The following PXDC1 variants were observed in gnomAD, a reference collection of about 807,000 sequenced individuals.
PXDC1 encodes the protein PX domain-containing protein 1.
In PXDC1, 13 loss-of-function variants were observed where a neutral mutation model predicts 24.4. The ratio of observed to expected loss-of-function variants is 0.53; its 90% CI spans 0.35 to 0.85. PXDC1 has a LOEUF of 0.85. Ranked by LOEUF, PXDC1 falls within the 40% of genes least tolerant of loss-of-function variation. The pLI is 0.01. For missense variants in PXDC1, 344 were observed against 309.3 expected (o/e 1.11, Z -0.84); for synonymous variants, 162 against 124.9 (o/e 1.30, Z -1.98).
intron 3 of PXDC1, among the ~76,000 whole-genome samples, 179 bp downstream of exon 3, chr6:3,736,900 G>A (rs1760331651): frequency 6.6e-6 from 1 of 152,192 alleles, no homozygotes; most frequent in Non-Finnish European, 1.5e-5. Context: ...GAAAACCACA[G>A]GAGGAAACAC....
chr6:3,729,685 T>A (rs569144336), intron 3 of PXDC1, among the ~76,000 whole-genome samples: 1 of 152,186 alleles, frequency 6.6e-6, no homozygotes, highest in Non-Finnish European at 1.5e-5. Context: ...CTATCTAAAA[T>A]GGGTGGCAGC....
intron 1 of PXDC1, among the ~76,000 whole-genome samples, chr6:3,746,050 G>A (rs987758242): frequency 6.6e-6 from 1 of 152,328 alleles, no homozygotes; most frequent in South Asian, 2.1e-4. Flanking sequence ...ACCAAGCAGG[G>A]AGCTCAGATC....
intron 1 of PXDC1, among the ~76,000 whole-genome samples, chr6:3,749,255 G>A (rs1267161281): frequency 6.6e-6 from 1 of 150,716 alleles, no homozygotes; most frequent in African/African-American, 2.4e-5. Flanking sequence ...CAGTTCCACG[G>A]TGTGCTGTGA....
At chr6:3,744,129 T>C (rs1219360790) in intron 1 of PXDC1, among the ~76,000 whole-genome samples, 1 of 152,190 alleles carries the variant, frequency 6.6e-6, no homozygotes, top group Non-Finnish European at 1.5e-5. Flanking sequence ...TTCATTATTT[T>C]CCCCACTAAA....
chr6:3,739,312 T>TA (rs1209901539), intron 1 of PXDC1, among the ~76,000 whole-genome samples: 1 of 152,212 alleles, frequency 6.6e-6, no homozygotes, highest in Non-Finnish European at 1.5e-5. Context: ...GGCATCCCCA[T>TA]AACGGGGGTC....
chr6:3,746,553 G>T (rs1030713760), intron 1 of PXDC1, among the ~76,000 whole-genome samples: 6 of 152,096 alleles, frequency 3.9e-5, no homozygotes, highest in Non-Finnish European at 7.4e-5. Context: ...GCAGAATGAC[G>T]CAGGTGAATT....
chr6:3,747,737 A>C lies in PXDC1; in HGVS notation c.256+3539T>G, dbSNP rs6941944. Among the ~76,000 whole-genome samples, 1,502 of 152,274 alleles carry C rather than the reference A, an allele frequency of 9.9e-3. 10 individuals carry two copies. The highest frequency in any genetic ancestry group is 0.015 in the Non-Finnish European group (1,036 of 68,026). On this transcript the variant is annotated intron_variant, in intron 1 of 4. Transcript: ENST00000380283. ...TGCTTACTTATTTTTCCTTTTGAAC[A>C]TGTATCACTATCTAATGTATTTGTT...
rs1033060031 is a variant in PXDC1 at position 3,725,927 on chromosome 6, C to G, written c.578+1624G>C. The stretch of plus-strand genomic sequence containing the variant: ...TTCTCGGCCCTCTCTGTGAGCCAGG[C>G]ATCCCGGAGCAGGTGGCCGCCTATT... On this transcript the variant is annotated intron_variant, in intron 4 of 4. Coordinates refer to ENST00000380283, the MANE Select transcript of PXDC1 (RefSeq NM_183373.4). This position sits in a 1 kb window ranked among gnomAD's most constrained non-coding sequence, Gnocchi z 4.8. Among the ~76,000 whole-genome samples the G allele has an allele frequency of 2.6e-5, 4 of 152,200 alleles. No homozygotes were observed. Among genetic ancestry groups the G allele is most frequent in the African/African-American group, 9.6e-5 (4 of 41,454 alleles).
rs1760008827 is a variant in PXDC1 at position 3,724,340 on chromosome 6, G to A, written c.579-604C>T. 6.6e-6 allele frequency among the ~76,000 whole-genome samples: 1 copy of A among 152,122 alleles called. No homozygotes were observed. The highest frequency in any genetic ancestry group is 6.5e-5 in the Admixed American group (1 of 15,272). On this transcript the variant is annotated intron_variant, in intron 4 of 4. Coordinates refer to ENST00000380283, the MANE Select transcript of PXDC1 (RefSeq NM_183373.4). This position sits in a 1 kb window ranked among gnomAD's most constrained non-coding sequence, Gnocchi z 4.5. ...AACATGGGGGACTTACATGGGGTGTGGAGAACTAGGGAAGAATACAAACCC... is the reference window on the plus strand; with the variant it reads ...AACATGGGGGACTTACATGGGGTGTAGAGAACTAGGGAAGAATACAAACCC...
Position 3,723,140 on chromosome 6 carries a change from CCT to C in PXDC1, c.*477_*478del, listed in dbSNP as rs2127597054. ...AGAAATCCTGGATTACTAAACATCC[CCT>C]GCCTGTGGCACCTGGAATGGGTGAC... On this transcript the variant is annotated 3_prime_UTR_variant, in exon 5 of 5. Transcript: ENST00000380283. 6.4e-6 allele frequency: 1 copy of C among 157,066 alleles called. No homozygotes were observed. Among genetic ancestry groups the C allele is most frequent in the Non-Finnish European group, 1.4e-5 (1 of 71,540 alleles). 9.7% of individuals were successfully genotyped at this position (157,066 alleles called of 1,614,324 possible). A position where few individuals can be genotyped will look rare whatever the true frequency, so the allele number is the denominator to read the frequency against.
At chr6:3,749,948 A>G (rs115529829) in intron 1 of PXDC1, among the ~76,000 whole-genome samples, 2,449 of 152,360 alleles carry the variant, frequency 0.016, 62 homozygotes, top group African/African-American at 0.056. Context: ...TAAATTTAAA[A>G]TATCATAACA....
intron 4 of PXDC1, among the ~76,000 whole-genome samples, chr6:3,726,586 G>A (rs1339288917): frequency 6.6e-6 from 1 of 152,260 alleles, no homozygotes; most frequent in Non-Finnish European, 1.5e-5. Context: ...ATTCAGCAGA[G>A]GAGGCCCAGG....
At chr6:3,733,518 G>C (rs539866377) in intron 3 of PXDC1, among the ~76,000 whole-genome samples, 1 of 152,290 alleles carries the variant, frequency 6.6e-6, no homozygotes, top group East Asian at 1.9e-4. Flanking sequence ...GGGCGAGCTA[G>C]ACCGGGAACA....
intron 4 of PXDC1, 39 bp from the exon 5 acceptor site, chr6:3,723,775 G>T: frequency 6.5e-7 from 1 of 1,546,866 alleles, no homozygotes; most frequent in Non-Finnish European, 8.9e-7. Context: ...GTGGCTCATT[G>T]TTGGGATCAA....
Position 3,751,628 on chromosome 6 carries a change from G to GCGGGGTCGT in PXDC1, c.-98_-97insACGACCCCG. The GCGGGGTCGT allele has an allele frequency of 7.4e-7, 1 of 1,351,604 alleles. No individual in the cohort carries two copies. Among genetic ancestry groups the GCGGGGTCGT allele is most frequent in the Non-Finnish European group, 9.5e-7 (1 of 1,057,788 alleles). 83.7% of individuals were successfully genotyped at this position (1,351,604 alleles called of 1,614,324 possible). On this transcript the variant is annotated 5_prime_UTR_variant, in exon 1 of 5. Coordinates refer to ENST00000380283, the MANE Select transcript of PXDC1 (RefSeq NM_183373.4). ...CGGGGTCGTCCCGGGTCTGTCCGTG[G>GCGGGGTCGT]CCGGGGTCGTCCGGGGTCGGCCCGT...
At chr6:3,739,127 G>C in intron 1 of PXDC1, 5 of 1,171,824 alleles carry the variant, frequency 4.3e-6, no homozygotes, top group Non-Finnish European at 5.4e-6. Flanking sequence ...CAGGGGAAAA[G>C]CCTGTTCAGT....
At chr6:3,736,600 C>T (rs1195669904) in intron 3 of PXDC1, among the ~76,000 whole-genome samples, 2 of 152,198 alleles carry the variant, frequency 1.3e-5, no homozygotes, top group Non-Finnish European at 2.9e-5. Flanking sequence ...CTTGGACTGG[C>T]CAAGAGGCCC....
Position 3,725,288 on chromosome 6 carries a change from G to A in PXDC1, c.579-1552C>T. On this transcript the variant is annotated intron_variant, in intron 4 of 4. Transcript: ENST00000380283. This position sits in a 1 kb window ranked among gnomAD's most constrained non-coding sequence, Gnocchi z 4.8. The stretch of plus-strand genomic sequence containing the variant: ...GAGGACATGAGGAGGGAGGGGGACC[G>A]GGATGCTCAGGGAAAATGAGTCATG... 6.6e-6 allele frequency among the ~76,000 whole-genome samples: 1 copy of A among 152,160 alleles called. No homozygotes were observed. The highest frequency in any genetic ancestry group is 1.9e-4 in the East Asian group (1 of 5,190).
intron 1 of PXDC1, among the ~76,000 whole-genome samples, chr6:3,741,099 T>C (rs1346554313): frequency 6.6e-6 from 1 of 152,246 alleles, no homozygotes; most frequent in African/African-American, 2.4e-5. Flanking sequence ...CCAGTCTCGG[T>C]CTTCTCGTCA....
Sources: allele counts gnomAD v4.1 joint callset (sites outside exome capture counted in the v4.1 genomes callset), GRCh38; gene constraint gnomAD v4.1.1; non-coding constraint Gnocchi (gnomAD v3.1); transcripts MANE v1.5; gene names NCBI Gene and HGNC (gene_info 2026-07-23, HGNC 2026-07-21).